The following CEP63 variants were observed in gnomAD, a reference collection of about 807,000 sequenced individuals.
CEP63 encodes the protein centrosomal protein 63.
A neutral mutation model predicts 89.1 loss-of-function variants in CEP63; 84 were observed. The observed-to-expected ratio is 0.94, with a 90% CI of 0.79 to 1.13. CEP63 has a LOEUF of 1.13. Among genes scored for constraint, CEP63 ranks in the 50% most tolerant of loss-of-function variants. CEP63 has a pLI of 0.00. For missense variants in CEP63, 838 were observed against 813.3 expected (o/e 1.03, Z -0.37); for synonymous variants, 267 against 272.5 (o/e 0.98, Z 0.20).
chr3:134,547,610 A>ATTTATTTTTTTTT, intron 9 of CEP63, 138 bp downstream of exon 9: 5 of 226,798 alleles, frequency 2.2e-5, no homozygotes, highest in African/African-American at 1.3e-4. Flanking sequence ...CTAAGTTCTT[A>ATTTATTTTTTTTT]TTTCTTTTTT....
chr3:134,586,413 G>T (rs965803315), intron 10 of CEP63, among the ~76,000 whole-genome samples: 16 of 152,122 alleles, frequency 1.1e-4, no homozygotes, highest in African/African-American at 3.6e-4. Context: ...CTCAGCATTT[G>T]CTTGTCTGTA....
the CEP63 span, among the ~76,000 whole-genome samples, chr3:134,604,742 C>T: frequency 1.3e-5 from 2 of 152,172 alleles, no homozygotes; most frequent in Admixed American, 1.3e-4. Flanking sequence ...GCTAAGGGGC[C>T]TCTAGAAAAA....
chr3:134,610,377 G>C, the CEP63 span: 3 of 1,610,692 alleles, frequency 1.9e-6, no homozygotes, highest in African/African-American at 4.0e-5. Context: ...ACTGCACTCC[G>C]GCGAGCCTGG....
the CEP63 span, among the ~76,000 whole-genome samples, chr3:134,599,221 TAACTC>T: frequency 1.2e-4 from 18 of 152,356 alleles, no homozygotes; most frequent in African/African-American, 4.3e-4. Flanking sequence ...ACTGTTCTAA[TAACTC>T]AAGAGCTACT....
At chr3:134,745,131 C>A in the CEP63 span, among the ~76,000 whole-genome samples, 1 of 152,186 alleles carries the variant, frequency 6.6e-6, no homozygotes, top group African/African-American at 2.4e-5. Flanking sequence ...GCACTTCCCA[C>A]TGTTGCCTGG....
rs1486972432 is a variant in CEP63 at position 134,550,229 on chromosome 3, A to G, written c.1349A>G (p.Gln450Arg). 6.2e-7 allele frequency: 1 copy of G among 1,614,082 alleles called. No individual in the cohort carries two copies. The highest frequency in any genetic ancestry group is 8.5e-7 in the Non-Finnish European group (1 of 1,180,012). The change falls in exon 11 of 15, where the codon CAA becomes CGA. Residue 450 changes from glutamine to arginine, a missense_variant. Coordinates refer to ENST00000675561, the MANE Select transcript of CEP63 (RefSeq NM_001353108.3). Reference protein sequence around the residue: ...DMEKRLRAEMQKAEDKAVEHK... With the variant: ...DMEKRLRAEMRKAEDKAVEHK... ...GAAAAGCGACTCAGAGCAGAGATGC[A>G]AAAGGCAGAAGACAAAGCAGTAGAG...
the CEP63 span, among the ~76,000 whole-genome samples, chr3:134,748,840 C>T: frequency 1.8e-4 from 27 of 152,124 alleles, no homozygotes; most frequent in East Asian, 1.9e-4. Context: ...AAGTAGGACA[C>T]GGATGCAGGC....
At chr3:134,548,055 A>C (rs2109734126) in intron 9 of CEP63, among the ~76,000 whole-genome samples, 1 of 152,216 alleles carries the variant, frequency 6.6e-6, no homozygotes, top group East Asian at 1.9e-4. Context: ...TTCTGTAGTT[A>C]TATCCTTTCT....
At chr3:134,524,149 T>A (rs1948133470) in intron 3 of CEP63, among the ~76,000 whole-genome samples, 1 of 152,196 alleles carries the variant, frequency 6.6e-6, no homozygotes, top group Admixed American at 6.5e-5. Flanking sequence ...TTTGTGACAT[T>A]TGTGAATGGG....
At chr3:134,602,902 C>T in the CEP63 span, among the ~76,000 whole-genome samples, 2 of 152,242 alleles carry the variant, frequency 1.3e-5, no homozygotes, top group African/African-American at 4.8e-5. Context: ...TTCTGGTTGT[C>T]ACATTCCTGA....
chr3:134,488,032 C>T (rs1936245563), intron 1 of CEP63: 1 of 152,196 alleles, frequency 6.6e-6, no homozygotes, highest in Non-Finnish European at 1.5e-5. Context: ...CCCCCAAACC[C>T]GGGGCCGCAG....
chr3:134,520,320 C>A (rs1947167741), intron 3 of CEP63, among the ~76,000 whole-genome samples: 1 of 151,998 alleles, frequency 6.6e-6, no homozygotes, highest in Non-Finnish European at 1.5e-5. Flanking sequence ...ATACCCTTGA[C>A]AAGAGTATCA....
the CEP63 span, among the ~76,000 whole-genome samples, chr3:134,758,453 G>A: frequency 6.6e-6 from 1 of 152,132 alleles, no homozygotes; most frequent in African/African-American, 2.4e-5. Context: ...TGGCTTTACA[G>A]CAACATTTGC....
At chr3:134,531,971 G>C in intron 4 of CEP63, 31 bp downstream of exon 4, 1 of 1,473,542 alleles carries the variant, frequency 6.8e-7, no homozygotes, top group Non-Finnish European at 9.5e-7. Context: ...AATGTTGTGT[G>C]TGTAGTTCTC....
the CEP63 span, among the ~76,000 whole-genome samples, chr3:134,775,401 T>TAC: frequency 6.6e-6 from 1 of 152,156 alleles, no homozygotes; most frequent in Admixed American, 6.5e-5. Flanking sequence ...GGGCCAGCCT[T>TAC]TGGAATCCCT....
chr3:134,539,311 G>T (rs927623295), intron 6 of CEP63, among the ~76,000 whole-genome samples: 1 of 152,022 alleles, frequency 6.6e-6, no homozygotes, highest in East Asian at 1.9e-4. Context: ...TTAACTATAT[G>T]TACACTGTTG....
At chr3:134,544,415 T>A (rs1952739904) in intron 6 of CEP63, among the ~76,000 whole-genome samples, 1 of 152,170 alleles carries the variant, frequency 6.6e-6, no homozygotes. Flanking sequence ...GAAACCAGTT[T>A]GAGATGCATT....
At chr3:134,491,079 A>C (rs569412930) in intron 1 of CEP63, among the ~76,000 whole-genome samples, 1 of 152,364 alleles carries the variant, frequency 6.6e-6, no homozygotes, top group African/African-American at 2.4e-5. Context: ...CCTGTGGGAT[A>C]GATTCTTAAA....
At chr3:134,754,766 T>A in the CEP63 span, among the ~76,000 whole-genome samples, 8 of 152,154 alleles carry the variant, frequency 5.3e-5, no homozygotes, top group African/African-American at 1.9e-4. Context: ...ACTTTTGTCT[T>A]CTTAAAAAGG....
Sources: gnomAD v4.1 joint callset for allele counts (sites outside exome capture counted in the v4.1 genomes callset) on GRCh38, gnomAD v4.1.1 for gene constraint, MANE v1.5 for transcripts, NCBI Gene and HGNC (gene_info 2026-07-23, HGNC 2026-07-21) for gene names.